Variants in TES observed in about 807,000 individuals in gnomAD.
TES encodes testin LIM domain protein.
A neutral mutation model predicts 48.2 loss-of-function variants in TES; 41 were observed. The ratio of observed to expected loss-of-function variants is 0.85; its 90% CI spans 0.66 to 1.10. The LOEUF (loss-of-function observed/expected upper bound fraction) is 1.10. Among genes scored for constraint, TES ranks in the 50% least tolerant of loss-of-function variants. The pLI, the probability that TES is intolerant of heterozygous loss-of-function variation, is 0.00. For synonymous variants in TES, 162 were observed against 174.9 expected (o/e 0.93, Z 0.58); for missense variants, 463 against 515.1 (o/e 0.90, Z 0.98).
chr7:116,234,401 CATT>C lies in TES; in HGVS notation c.28-132_28-130del, dbSNP rs1446957200. The C allele has an allele frequency of 7.1e-6, 5 of 708,992 alleles. No homozygotes were observed. The African/African-American group carries it at 8.9e-5, about 13-fold the overall frequency. The allele number at this position is 708,992 out of a possible 1,614,324, so 43.9% of individuals were successfully genotyped here. On this transcript the variant is annotated intron_variant, in intron 1 of 6. Transcript: ENST00000358204. ...TGCCATGTACATACCTGGGTATCATCATTGACTAAATATAAGATTTGTTTGAAA... is the reference window on the plus strand; with the variant it reads ...TGCCATGTACATACCTGGGTATCATCGACTAAATATAAGATTTGTTTGAAA...
At chr7:116,228,236 A>G (rs776993661) in intron 1 of TES, among the ~76,000 whole-genome samples, 4 of 152,146 alleles carry the variant, frequency 2.6e-5, no homozygotes, top group Non-Finnish European at 4.4e-5. Context: ...AGTTAAAGAT[A>G]CTTAAGACCT....
intron 2 of TES, among the ~76,000 whole-genome samples, chr7:116,240,325 A>C (rs1799828442): frequency 6.6e-6 from 1 of 152,152 alleles, no homozygotes; most frequent in South Asian, 2.1e-4. Context: ...GATACAAAAA[A>C]ATTTCTTTTG....
rs145275684 is a variant in TES at position 116,222,350 on chromosome 7, C to T, written c.27+11616C>T. Among the ~76,000 whole-genome samples, 9 of 152,244 alleles carry T rather than the reference C, an allele frequency of 5.9e-5. No homozygotes were observed. The East Asian group carries it at 1.7e-3, about 29-fold the overall frequency. ...CATTACTCTCTAGGTTTCCTTGGAT[C>T]CTCCTGCTCCTCTGGGCAGCCTCCT... On this transcript the variant is annotated intron_variant, in intron 1 of 6. Coordinates refer to ENST00000358204, the MANE Select transcript of TES (RefSeq NM_015641.4).
intron 3 of TES, chr7:116,249,808 T>C (rs955126631): frequency 1.1e-5 from 2 of 179,812 alleles, no homozygotes; most frequent in African/African-American, 4.7e-5. Context: ...TCATTTTTTA[T>C]GTAATAAAAA....
At chr7:116,228,594 T>C (rs1799654364) in intron 1 of TES, among the ~76,000 whole-genome samples, 1 of 152,230 alleles carries the variant, frequency 6.6e-6, no homozygotes, top group Non-Finnish European at 1.5e-5. Context: ...GACTGAGTTT[T>C]ATCATTCACA....
chr7:116,225,712 G>C (rs1799613739), intron 1 of TES, among the ~76,000 whole-genome samples: 2 of 152,130 alleles, frequency 1.3e-5, no homozygotes, highest in African/African-American at 4.8e-5. Flanking sequence ...TTTTATTCCT[G>C]TTTCCTTATG....
chr7:116,231,411 G>T (rs1458902792), intron 1 of TES, among the ~76,000 whole-genome samples: 1 of 152,168 alleles, frequency 6.6e-6, no homozygotes, highest in Non-Finnish European at 1.5e-5. Context: ...GTGATCAATG[G>T]CCTATGACAC....
At chr7:116,223,154 C>A in intron 1 of TES, 1 of 249,178 alleles carries the variant, frequency 4.0e-6, no homozygotes, top group Non-Finnish European at 6.4e-6. Context: ...CAGTCGCTTA[C>A]CTGAAATAAG....
At chr7:116,247,046 T>C (rs1353611799) in intron 2 of TES, among the ~76,000 whole-genome samples, 2 of 151,470 alleles carry the variant, frequency 1.3e-5, no homozygotes, top group East Asian at 3.9e-4. Context: ...TGAATGTCTG[T>C]GTGCCAGACC....
chr7:116,230,933 TTTATC>T (rs1469969574), intron 1 of TES, among the ~76,000 whole-genome samples: 3 of 152,214 alleles, frequency 2.0e-5, no homozygotes, highest in Non-Finnish European at 4.4e-5. Flanking sequence ...GCCTTCCTTA[TTTATC>T]TTGTCTTCCT....
intron 2 of TES, among the ~76,000 whole-genome samples, chr7:116,239,656 T>A (rs1388327663): frequency 1.3e-5 from 2 of 152,238 alleles, no homozygotes; most frequent in Non-Finnish European, 2.9e-5. Flanking sequence ...GTGTGATTGT[T>A]GTGACACAGA....
intron 2 of TES, chr7:116,243,721 T>TAC (rs1407462543): frequency 1.3e-5 from 2 of 152,200 alleles, no homozygotes; most frequent in Admixed American, 6.5e-5. Flanking sequence ...TCTACTAATT[T>TAC]ACTCATCCCA....
chr7:116,252,607 C>T, intron 6 of TES, 131 bp downstream of exon 6: 1 of 1,300,444 alleles, frequency 7.7e-7, no homozygotes. Flanking sequence ...ATTCCTACCA[C>T]AGGGTGTTAA....
At chr7:116,212,380 C>A (rs1369563913) in intron 1 of TES, among the ~76,000 whole-genome samples, 2 of 152,034 alleles carry the variant, frequency 1.3e-5, no homozygotes, top group African/African-American at 2.4e-5. Context: ...CAAGAGTAAA[C>A]CCTAATGTAA....
intron 1 of TES, among the ~76,000 whole-genome samples, chr7:116,234,035 A>G (rs1799733890): frequency 6.6e-6 from 1 of 152,218 alleles, no homozygotes; most frequent in African/African-American, 2.4e-5. Context: ...CATTAAAGCC[A>G]TAGCACTGGC....
At chr7:116,231,738 G>T (rs1799703144) in intron 1 of TES, among the ~76,000 whole-genome samples, 1 of 152,186 alleles carries the variant, frequency 6.6e-6, no homozygotes, top group South Asian at 2.1e-4. Context: ...GTGTCAGAGA[G>T]AATAGATTGT....
At chr7:116,234,405 G>T in intron 1 of TES, 129 bp from the exon 2 acceptor site, 1 of 733,468 alleles carries the variant, frequency 1.4e-6, no homozygotes, top group Non-Finnish European at 2.3e-6. Flanking sequence ...TATCATCATT[G>T]ACTAAATATA....
At position 116,229,033 on chromosome 7, in the gene TES, T is replaced by TATATATATATATATATATATATAA. The variant is rs1417517023; in HGVS notation, c.28-5500_28-5499insTATATATATATATATATATATAAA. On this transcript the variant is annotated intron_variant, in intron 1 of 6. Transcript: ENST00000358204. ...ATATATATATATATATATATATATATAATCATTTCCTTAATATTTGGTAAT... is the reference window on the plus strand; with the variant it reads ...ATATATATATATATATATATATATATATATATATATATATATATATATAAAATCATTTCCTTAATATTTGGTAAT... 1.0e-3 allele frequency among the ~76,000 whole-genome samples: 121 copies of TATATATATATATATATATATATAA among 115,280 alleles called. 2 individuals are homozygous for TATATATATATATATATATATATAA. The highest frequency in any genetic ancestry group is 1.2e-3 in the East Asian group (4 of 3,298). The allele number at this position is 115,280 out of a possible 152,430, so 75.6% of individuals were successfully genotyped here. A position where few individuals can be genotyped will look rare whatever the true frequency, so the allele number is the denominator to read the frequency against.
intron 1 of TES, among the ~76,000 whole-genome samples, chr7:116,218,550 A>T (rs1455459429): frequency 2.0e-5 from 3 of 152,206 alleles, no homozygotes; most frequent in African/African-American, 7.2e-5. Flanking sequence ...ACTGGCCTAC[A>T]ATAAAAATAA....
Sources: allele counts gnomAD v4.1 joint callset (sites outside exome capture counted in the v4.1 genomes callset), GRCh38; gene constraint gnomAD v4.1.1; transcripts MANE v1.5; gene names NCBI Gene and HGNC (gene_info 2026-07-23, HGNC 2026-07-21).